The following PDE1C variants were observed in gnomAD, a reference collection of about 807,000 sequenced individuals.
PDE1C encodes the protein phosphodiesterase 1C.
PDE1C carries 62 observed loss-of-function variants against 93.1 expected under a neutral mutation model. The ratio of observed to expected loss-of-function variants is 0.67; its 90% confidence interval spans 0.54 to 0.82. The LOEUF is 0.82. PDE1C is among the 40% of genes least tolerant of loss of function. PDE1C has a pLI of 0.00. For synonymous variants in PDE1C, 325 were observed against 310.1 expected (o/e 1.05, Z -0.50); for missense variants, 742 against 884.6 (o/e 0.84, Z 2.04).
At chr7:31,626,292 G>A in the PDE1C span, among the ~76,000 whole-genome samples, 1 of 152,042 alleles carries the variant, frequency 6.6e-6, no homozygotes, top group Non-Finnish European at 1.5e-5. Context: ...TTAAAATTAG[G>A]CCAACTGCAT....
At chr7:32,091,581 C>A (rs935147079) in intron 3 of PDE1C, among the ~76,000 whole-genome samples, 16 of 152,154 alleles carry the variant, frequency 1.1e-4, no homozygotes, top group African/African-American at 3.9e-4. Flanking sequence ...GCATAGGAAC[C>A]AGCCTCAAAT....
downstream of PDE1C, among the ~76,000 whole-genome samples, chr7:31,748,227 C>T (rs1794046938): frequency 7.0e-6 from 1 of 143,598 alleles, no homozygotes. Flanking sequence ...TTCACAATCA[C>T]ATATATTTTT....
At chr7:32,151,456 G>A (rs887950929) in intron 3 of PDE1C, among the ~76,000 whole-genome samples, 3 of 152,162 alleles carry the variant, frequency 2.0e-5, no homozygotes, top group Non-Finnish European at 2.9e-5. Context: ...ATTCGAAATG[G>A]TGGGAATATT....
intron 9 of PDE1C, among the ~76,000 whole-genome samples, chr7:31,847,260 A>G (rs1666638586): frequency 6.6e-6 from 1 of 152,182 alleles, no homozygotes; most frequent in Non-Finnish European, 1.5e-5. Flanking sequence ...AAAATTTTAA[A>G]GATGTAAAGA....
rs367935346 is a variant in PDE1C, at chr7:32,370,771, G to A, written c.310+57051C>T. On this transcript the variant is annotated intron_variant, in intron 1 of 1. Transcript: ENST00000672256. Reference sequence around the variant, plus strand: ...CTGCACGTTGTGCACATGTACCCTAGAACTTAAAGTATAATAATAAATAAA... The same window carrying A: ...CTGCACGTTGTGCACATGTACCCTAAAACTTAAAGTATAATAATAAATAAA... 8.0e-5 allele frequency among the ~76,000 whole-genome samples: 11 copies of A among 137,338 alleles called. 2 individuals carry two copies. Among genetic ancestry groups the A allele is most frequent in the East Asian group, 2.2e-4 (1 of 4,558 alleles). The allele number at this position is 137,338 out of a possible 152,430, so 90.1% of individuals were successfully genotyped here.
upstream of PDE1C, among the ~76,000 whole-genome samples, chr7:32,074,473 G>T (rs567953044): frequency 6.6e-6 from 1 of 152,322 alleles, no homozygotes; most frequent in South Asian, 2.1e-4. Context: ...CCAATGGTCA[G>T]ATAACTTCTG....
At chr7:32,001,231 C>G (rs765549816) in intron 2 of PDE1C, among the ~76,000 whole-genome samples, 4 of 152,180 alleles carry the variant, frequency 2.6e-5, no homozygotes, top group Non-Finnish European at 5.9e-5. Flanking sequence ...ACCAACTTTT[C>G]ACTTACTGCA....
At chr7:32,052,551 T>TA (rs899073453) in intron 1 of PDE1C, among the ~76,000 whole-genome samples, 2 of 152,222 alleles carry the variant, frequency 1.3e-5, no homozygotes, top group Non-Finnish European at 2.9e-5. Flanking sequence ...CCTTGTAGCA[T>TA]ATCCGGGAAG....
At chr7:31,622,362 G>C in the PDE1C span, among the ~76,000 whole-genome samples, 4 of 152,006 alleles carry the variant, frequency 2.6e-5, no homozygotes, top group South Asian at 2.1e-4. Context: ...TGGAAGTAAA[G>C]CTCTCCTCAG....
chr7:31,853,184 C>T (rs1234532711), intron 7 of PDE1C, among the ~76,000 whole-genome samples: 1 of 152,008 alleles, frequency 6.6e-6, no homozygotes, highest in Non-Finnish European at 1.5e-5. Context: ...TTCTATTAAA[C>T]CAAAAACAAT....
intron 2 of PDE1C, among the ~76,000 whole-genome samples, chr7:32,011,633 C>T (rs1030151142): frequency 2.6e-5 from 4 of 152,166 alleles, no homozygotes; most frequent in African/African-American, 7.2e-5. Context: ...CAATGAGAAA[C>T]TTTTCTCTAT....
At chr7:31,973,117 T>TA (rs1013788723) in intron 2 of PDE1C, among the ~76,000 whole-genome samples, 22 of 151,344 alleles carry the variant, frequency 1.5e-4, no homozygotes, top group African/African-American at 5.3e-4. Flanking sequence ...CTGAAATAAA[T>TA]AAAAAAATTC....
chr7:31,986,981 C>G (rs76220343), intron 2 of PDE1C, among the ~76,000 whole-genome samples: 2 of 151,796 alleles, frequency 1.3e-5, no homozygotes, highest in Admixed American at 1.3e-4. Context: ...TAGGAAGAAA[C>G]GCTTCTGTTT....
intron 17 of PDE1C, among the ~76,000 whole-genome samples, chr7:31,758,795 C>G (rs375092338): frequency 9.9e-5 from 15 of 152,082 alleles, no homozygotes; most frequent in African/African-American, 3.4e-4. Context: ...GTGCCGTTAC[C>G]CTGGAGAATG....
At chr7:32,005,654 G>A (rs551102649) in intron 2 of PDE1C, among the ~76,000 whole-genome samples, 1 of 150,212 alleles carries the variant, frequency 6.7e-6, no homozygotes, top group East Asian at 2.0e-4. Context: ...AGGGGTGTAT[G>A]AGTGTATATT....
intron 2 of PDE1C, among the ~76,000 whole-genome samples, chr7:31,931,409 T>C (rs1395234060): frequency 6.6e-6 from 1 of 152,190 alleles, no homozygotes; most frequent in Non-Finnish European, 1.5e-5. Flanking sequence ...ACAACATCAA[T>C]GTGCAAAAAT....
intron 1 of PDE1C, among the ~76,000 whole-genome samples, chr7:32,284,563 T>C (rs894923944): frequency 2.0e-5 from 3 of 152,210 alleles, no homozygotes; most frequent in African/African-American, 7.2e-5. Context: ...GCCCTCTCTC[T>C]TGCCACACCT....
chr7:31,723,462 C>T, the PDE1C span, among the ~76,000 whole-genome samples: 1 of 152,186 alleles, frequency 6.6e-6, no homozygotes, highest in Non-Finnish European at 1.5e-5. Context: ...AACTCAGAGG[C>T]ACTAAGTTCC....
chr7:31,649,897 T>C, the PDE1C span, among the ~76,000 whole-genome samples: 1 of 152,278 alleles, frequency 6.6e-6, no homozygotes, highest in East Asian at 1.9e-4. Flanking sequence ...GGGAAAGAGC[T>C]GAGCTCCACT....
Sources: allele counts gnomAD v4.1 joint callset (sites outside exome capture counted in the v4.1 genomes callset), GRCh38; gene constraint gnomAD v4.1.1; transcripts MANE v1.5; gene names NCBI Gene and HGNC (gene_info 2026-07-23, HGNC 2026-07-21).